The following PCDHGA3 variants were observed in gnomAD, a reference collection of about 807,000 sequenced individuals.
PCDHGA3 encodes the protein protocadherin gamma-A3.
A neutral mutation model predicts 58.5 loss-of-function variants in PCDHGA3; 40 were observed. The observed-to-expected ratio is 0.68, with a 90% CI of 0.53 to 0.89. The LOEUF (loss-of-function observed/expected upper bound fraction) is 0.89, where lower values mean the gene tolerates loss of function less well. Among genes scored for constraint, PCDHGA3 ranks in the 40% least tolerant of loss-of-function variants. The pLI, the probability that PCDHGA3 is intolerant of heterozygous loss-of-function variation, is 0.00. For synonymous variants in PCDHGA3, 530 were observed against 525.7 expected (o/e 1.01, Z -0.11); for missense variants, 1,223 against 1,195.9 (o/e 1.02, Z -0.33).
At chr5:141,459,814 T>C (rs757306281) in intron 1 of PCDHGA3, among the ~76,000 whole-genome samples, 1 of 152,256 alleles carries the variant, frequency 6.6e-6, no homozygotes, top group African/African-American at 2.4e-5. Flanking sequence ...CTAGAGACAC[T>C]GAGCAACTTT....
rs1299543517 is a variant in PCDHGA3, at chr5:141,344,385, G to C, written c.352G>C (p.Glu118Gln). Residue 118 changes from glutamate to glutamine, a missense_variant, in exon 1 of 4, where the codon GAA becomes CAA. Around this residue, in one of 3 missense-constraint regions of PCDHGA3, gnomAD observed 791 missense variants for 708.5 expected, o/e 1.12. Transcript: ENST00000253812. ...ILVEDKLKIF[E>Q]VEIEIKDIND... ...GGTTGAGGATAAATTGAAAATTTTT[G>C]AAGTAGAAATAGAAATTAAAGATAT... The C allele has an allele frequency of 6.2e-7, 1 of 1,612,550 alleles. No homozygotes were observed. Among genetic ancestry groups the C allele is most frequent in the Admixed American group, 1.7e-5 (1 of 59,808 alleles).
At chr5:141,357,719 C>T (rs935552148) in intron 1 of PCDHGA3, 5 of 1,429,472 alleles carry the variant, frequency 3.5e-6, no homozygotes, top group Admixed American at 5.2e-5. Context: ...AATAAAGTTG[C>T]CTCTTTTAAT....
Position 141,491,208 on chromosome 5 carries a change from C to A in PCDHGA3, c.2425-3599C>A. ...TGAGGGACAATGGTGACCCTTCACT[C>A]TCCTCCACAGCCACAGTGCTGCTGG... On this transcript the variant is annotated intron_variant, in intron 1 of 3. Coordinates refer to ENST00000253812, the MANE Select transcript of PCDHGA3 (RefSeq NM_018916.4). The surrounding 1 kb of genome is among the most constrained non-coding windows in gnomAD (Gnocchi z 6.9). The A allele has an allele frequency of 6.2e-7, 1 of 1,614,204 alleles. No homozygotes were observed. Among genetic ancestry groups the A allele is most frequent in the African/African-American group, 1.3e-5 (1 of 75,058 alleles).
At position 141,418,260 on chromosome 5, in the gene PCDHGA3, G is replaced by C. The variant is rs144490159; in HGVS notation, c.2424+71803G>C. On this transcript the variant is annotated intron_variant, in intron 1 of 3. Transcript: ENST00000253812. Reference sequence around the variant, plus strand: ...GTTAATGACCACGCCCCTCAATTCCGGAAAGATGAAATAAACTTAGAAATC... The same window carrying C: ...GTTAATGACCACGCCCCTCAATTCCCGAAAGATGAAATAAACTTAGAAATC... 2.5e-6 allele frequency: 4 copies of C among 1,613,888 alleles called. No individual in the cohort carries two copies. Among genetic ancestry groups the C allele is most frequent in the South Asian group, 1.1e-5 (1 of 91,088 alleles).
intron 1 of PCDHGA3, chr5:141,388,992 C>A: frequency 6.2e-7 from 1 of 1,613,952 alleles, no homozygotes; most frequent in Non-Finnish European, 8.5e-7. Flanking sequence ...GCTCAAAGTC[C>A]GTGACAAGGA....
chr5:141,356,705 C>T (rs765106092), intron 1 of PCDHGA3: 1 of 1,614,020 alleles, frequency 6.2e-7, no homozygotes, highest in Non-Finnish European at 8.5e-7. Context: ...GCACCTCTGT[C>T]CTCCTATGTC....
intron 1 of PCDHGA3, among the ~76,000 whole-genome samples, chr5:141,401,330 A>G (rs1377404173): frequency 6.6e-6 from 1 of 152,218 alleles, no homozygotes. Context: ...CAACAAGAGC[A>G]AAACTCCATC....
chr5:141,485,193 G>T lies in PCDHGA3; in HGVS notation c.2425-9614G>T. The T allele has an allele frequency of 6.2e-7, 1 of 1,613,988 alleles. No homozygotes were observed. Among genetic ancestry groups the T allele is most frequent in the Non-Finnish European group, 8.5e-7 (1 of 1,179,852 alleles). The stretch of plus-strand genomic sequence containing the variant: ...GCAGCAATGCTCCGCAAGGTGAGAA[G>T]CTGGACAGAAATCTGGCGGTGGGCT... On this transcript the variant is annotated intron_variant, in intron 1 of 3. Transcript: ENST00000253812. The surrounding 1 kb of genome is among the most constrained non-coding windows in gnomAD (Gnocchi z 5.7).
At position 141,361,198 on chromosome 5, in the gene PCDHGA3, C is replaced by A. The variant is rs377236216; in HGVS notation, c.2424+14741C>A. 3 of 1,613,964 alleles carry A rather than the reference C, an allele frequency of 1.9e-6. No individual in the cohort carries two copies. The highest frequency in any genetic ancestry group is 2.2e-5 in the South Asian group (2 of 91,082). ...AGTTATTGTGACTTCAGTATCTACT[C>A]CCCTACCGGAGGATTCGCCACCAGG... On this transcript the variant is annotated intron_variant, in intron 1 of 3. Transcript: ENST00000253812.
chr5:141,370,291 A>C (rs1766798910), intron 1 of PCDHGA3: 8 of 1,049,850 alleles, frequency 7.6e-6, no homozygotes, highest in Admixed American at 2.8e-5. Flanking sequence ...AGAGAACCCA[A>C]GCACAAAGAC....
intron 1 of PCDHGA3, chr5:141,389,060 A>G (rs1164665785): frequency 3.7e-6 from 6 of 1,614,010 alleles, no homozygotes; most frequent in Non-Finnish European, 4.2e-6. Context: ...CATTTAAAAT[A>G]TTAACTTCTT....
At chr5:141,402,392 C>A (rs1271100750) in intron 1 of PCDHGA3, among the ~76,000 whole-genome samples, 1 of 151,714 alleles carries the variant, frequency 6.6e-6, no homozygotes, top group African/African-American at 2.4e-5. Flanking sequence ...AAAATTACTT[C>A]AGAAAATTGT....
At chr5:141,419,543 G>T (rs573594140) in intron 1 of PCDHGA3, 1 of 1,612,106 alleles carries the variant, frequency 6.2e-7, no homozygotes, top group East Asian at 2.2e-5. Flanking sequence ...CGCACCGCGG[G>T]TGCTGTACCC....
intron 1 of PCDHGA3, chr5:141,375,613 C>T (rs770657408): frequency 1.2e-6 from 2 of 1,614,226 alleles, no homozygotes; most frequent in Non-Finnish European, 1.7e-6. Context: ...TCAACTCCGA[C>T]ACTGGGATTC....
At chr5:141,408,008 C>A in intron 1 of PCDHGA3, 2 of 949,842 alleles carry the variant, frequency 2.1e-6, no homozygotes, top group Non-Finnish European at 3.0e-6. Context: ...GGATTCCCTG[C>A]GCAGCCAACA....
intron 1 of PCDHGA3, chr5:141,385,365 G>C: frequency 6.5e-7 from 1 of 1,539,374 alleles, no homozygotes; most frequent in Non-Finnish European, 8.7e-7. Flanking sequence ...GAATTTATTT[G>C]CATGATATTT....
rs569260568 is a variant in PCDHGA3, at chr5:141,408,294, A to G, written c.2424+61837A>G. The G allele has an allele frequency of 2.0e-5, 33 of 1,613,508 alleles. No homozygotes were observed. The East Asian group carries it at 7.1e-4, about 35-fold the overall frequency. ...CCTTTGTTCTACCCCACCCTGAGTG[A>G]GCCGATCCGCTACTCGATTCCGGAG... is the stretch of plus-strand genomic sequence containing the variant. On this transcript the variant is annotated intron_variant, in intron 1 of 3. Coordinates refer to ENST00000253812, the MANE Select transcript of PCDHGA3 (RefSeq NM_018916.4).
At chr5:141,421,651 A>G in intron 1 of PCDHGA3, 1 of 1,613,868 alleles carries the variant, frequency 6.2e-7, no homozygotes, top group Non-Finnish European at 8.5e-7. Flanking sequence ...AGTGGAGATA[A>G]AAGTCAGTGA....
At chr5:141,348,295 C>A (rs1211454318) in intron 1 of PCDHGA3, among the ~76,000 whole-genome samples, 1 of 152,132 alleles carries the variant, frequency 6.6e-6, no homozygotes, top group Admixed American at 6.5e-5. Flanking sequence ...TGTATTCTCA[C>A]TGAAACATGG....
Sources: allele counts gnomAD v4.1 joint callset (sites outside exome capture counted in the v4.1 genomes callset), GRCh38; gene constraint gnomAD v4.1.1; regional missense constraint gnomAD v4.1.1; non-coding constraint Gnocchi (gnomAD v3.1); transcripts MANE v1.5; gene names NCBI Gene and HGNC (gene_info 2026-07-23, HGNC 2026-07-21).